SGTA: variants seen among roughly 807,000 people sequenced by gnomAD.
The protein encoded by SGTA is small glutamine-rich tetratricopeptide repeat-containing protein alpha.
A neutral mutation model predicts 44.3 loss-of-function variants in SGTA; 22 were observed. The ratio of observed to expected loss-of-function variants is 0.50; its 90% CI spans 0.36 to 0.71. SGTA has a LOEUF of 0.71. SGTA is among the 30% of genes least tolerant of loss of function. The pLI, the probability that SGTA is intolerant of heterozygous loss-of-function variation, is 0.00. For missense variants in SGTA, 341 were observed against 435.9 expected (o/e 0.78, Z 1.94); for synonymous variants, 174 against 177.6 (o/e 0.98, Z 0.16).
intron 1 of SGTA, among the ~76,000 whole-genome samples, chr19:2,782,010 T>C (rs984864033): frequency 6.6e-6 from 1 of 152,028 alleles, no homozygotes; most frequent in African/African-American, 2.4e-5. Flanking sequence ...CCCAGCTAAT[T>C]TTCATATTTT....
chr19:2,770,968 C>T (rs1481295810), intron 1 of SGTA, among the ~76,000 whole-genome samples: 7 of 152,224 alleles, frequency 4.6e-5, no homozygotes, highest in East Asian at 1.9e-4. Context: ...GTTCCCGGAT[C>T]GTGGCCTGCA....
At chr19:2,757,188 G>A in intron 11 of SGTA, 149 bp downstream of exon 11, 1 of 1,036,424 alleles carries the variant, frequency 9.6e-7, no homozygotes, top group Admixed American at 2.6e-5. Context: ...GTGATCTTCT[G>A]AGCTGGATGC....
intron 1 of SGTA, among the ~76,000 whole-genome samples, chr19:2,779,139 C>G (rs997355640): frequency 2.0e-5 from 3 of 152,168 alleles, no homozygotes; most frequent in Non-Finnish European, 4.4e-5. Flanking sequence ...TCACTGATGG[C>G]CACTAAGTGG....
intron 1 of SGTA, among the ~76,000 whole-genome samples, chr19:2,775,486 G>C (rs1915425715): frequency 6.6e-6 from 1 of 152,376 alleles, no homozygotes; most frequent in South Asian, 2.1e-4. Context: ...GACACACTGG[G>C]TGTGCCCACA....
chr19:2,767,757 C>CG lies in SGTA; in HGVS notation c.101-72dup. On this transcript the variant is annotated intron_variant, in intron 2 of 11. Transcript: ENST00000221566. This position sits in a 1 kb window ranked among gnomAD's most constrained non-coding sequence, Gnocchi z 7.3. ...AGGTTACGTTTTTGGGTCTAGAGGG[C>CG]GGGGTTGGTGCTCATGCTTCCCCAG... is the stretch of plus-strand genomic sequence containing the variant. 8.3e-7 allele frequency: 1 copy of CG among 1,203,028 alleles called. No individual in the cohort carries two copies. Among genetic ancestry groups the CG allele is most frequent in the Non-Finnish European group, 1.2e-6 (1 of 814,442 alleles). The allele number at this position is 1,203,028 out of a possible 1,614,324, so 74.5% of individuals were successfully genotyped here.
rs145111116 is a variant in SGTA, at chr19:2,764,461, G to A, written c.393-704C>T. Among the ~76,000 whole-genome samples, 228 of 152,302 alleles carry A rather than the reference G, an allele frequency of 1.5e-3. 1 individual carries two copies. The highest frequency in any genetic ancestry group is 0.014 in the East Asian group (75 of 5,188). ...TGCCCAGGCTGGAGTGCAGTGACAC[G>A]ATCTCAGCTCACTGCAACCTCTGCC... is the stretch of plus-strand genomic sequence containing the variant. On this transcript the variant is annotated intron_variant, in intron 5 of 11. Coordinates refer to ENST00000221566, the MANE Select transcript of SGTA (RefSeq NM_003021.4).
At position 2,765,360 on chromosome 19, in the gene SGTA, C is replaced by CA; in HGVS notation, c.293-76_293-75insT. The CA allele has an allele frequency of 2.7e-6, 3 of 1,125,782 alleles. No homozygotes were observed. The highest frequency in any genetic ancestry group is 3.9e-6 in the Non-Finnish European group (3 of 760,066). 69.7% of individuals were successfully genotyped at this position (1,125,782 alleles called of 1,614,324 possible). On this transcript the variant is annotated intron_variant, in intron 4 of 11. Transcript: ENST00000221566. This position sits in a 1 kb window ranked among gnomAD's most constrained non-coding sequence, Gnocchi z 5.5. ...GGGTGTCAGGGAGAGAGGAAAACAC[C>CA]GGCCTGGTGTCCACACAGACCCGAG... is the stretch of plus-strand genomic sequence containing the variant.
intron 1 of SGTA, 29 bp from the exon 2 acceptor site, chr19:2,769,120 G>A: frequency 6.9e-7 from 1 of 1,451,392 alleles, no homozygotes; most frequent in South Asian, 1.1e-5. Flanking sequence ...CCCCCATCAG[G>A]CCCCCTCACA....
intron 1 of SGTA, among the ~76,000 whole-genome samples, chr19:2,769,559 C>A (rs1021673489): frequency 2.6e-5 from 4 of 152,192 alleles, no homozygotes; most frequent in Admixed American, 2.0e-4. Context: ...GAGCCACTGC[C>A]CCTTTCCTCA....
Position 2,767,195 on chromosome 19 carries a change from G to T in SGTA, c.233C>A (p.Pro78His). ...CTCCTCGGAAGGCGGGGTTCGCGCG[G>T]GGCTCCTCAGGTCCTGCGGCATCTC... ...GKEMPQDLRS[P>H]ARTPPSEEDS... The change falls in exon 4 of 12, where the codon CCC becomes CAC. Residue 78 changes from proline to histidine, a missense_variant. Transcript: ENST00000221566. The surrounding 1 kb of genome is among the most constrained non-coding windows in gnomAD (Gnocchi z 7.3). The T allele has an allele frequency of 6.2e-7, 1 of 1,611,712 alleles. No homozygotes were observed. The highest frequency in any genetic ancestry group is 8.5e-7 in the Non-Finnish European group (1 of 1,179,308).
Position 2,765,296 on chromosome 19 carries a change from A to G in SGTA, c.293-11T>C. ...TCATCTGCTCGTTTCCTACAGGGAG[A>G]GAGGAAAACACCGGCCCGGTGTCCA... On this transcript the variant is annotated splice_polypyrimidine_tract_variant and intron_variant, in intron 4 of 11. Transcript: ENST00000221566. This position sits in a 1 kb window ranked among gnomAD's most constrained non-coding sequence, Gnocchi z 5.5. The G allele has an allele frequency of 6.2e-7, 1 of 1,600,992 alleles. No homozygotes were observed. The highest frequency in any genetic ancestry group is 1.7e-5 in the Admixed American group (1 of 59,824).
At chr19:2,756,332 T>C (rs370318642) in intron 11 of SGTA, among the ~76,000 whole-genome samples, 33 of 151,958 alleles carry the variant, frequency 2.2e-4, no homozygotes, top group African/African-American at 7.2e-4. Flanking sequence ...TTGGGCTGAA[T>C]GCACGGCTCA....
chr19:2,763,773 C>G lies in SGTA; in HGVS notation c.393-16G>C. On this transcript the variant is annotated splice_polypyrimidine_tract_variant and intron_variant, in intron 5 of 11. Coordinates refer to ENST00000221566, the MANE Select transcript of SGTA (RefSeq NM_003021.4). This position sits in a 1 kb window ranked among gnomAD's most constrained non-coding sequence, Gnocchi z 5.8. ...GGCTGCGGCTCTGGGGAAGAAAAGG[C>G]AGGGCAGGTCCCTCACTGGCGGCTC... 1 of 1,608,486 alleles carries G rather than the reference C, an allele frequency of 6.2e-7. No homozygotes were observed. The highest frequency in any genetic ancestry group is 8.5e-7 in the Non-Finnish European group (1 of 1,176,796).
intron 1 of SGTA, among the ~76,000 whole-genome samples, chr19:2,780,177 G>A (rs927162801): frequency 6.6e-6 from 1 of 152,058 alleles, no homozygotes; most frequent in Non-Finnish European, 1.5e-5. Flanking sequence ...GAACATCCTC[G>A]TAAACTGAGG....
chr19:2,762,120 C>G (rs916561624), intron 7 of SGTA, among the ~76,000 whole-genome samples: 2 of 152,288 alleles, frequency 1.3e-5, no homozygotes, highest in African/African-American at 4.8e-5. Context: ...GGCCACAGTC[C>G]ACCTGCCCCA....
At chr19:2,757,899 G>T in intron 9 of SGTA, 117 bp from the exon 10 acceptor site, 1 of 662,214 alleles carries the variant, frequency 1.5e-6, no homozygotes, top group Non-Finnish European at 2.4e-6. Flanking sequence ...CCCTGCAGGA[G>T]AGGATTCTCT....
chr19:2,756,453 C>T (rs77824263), intron 11 of SGTA, among the ~76,000 whole-genome samples: 1 of 73,656 alleles, frequency 1.4e-5, no homozygotes, highest in African/African-American at 4.8e-5. Flanking sequence ...AGGACGGTCT[C>T]AAAAAAAAAA....
chr19:2,762,434 C>T (rs1915021982), intron 7 of SGTA, 72 bp downstream of exon 7: 16 of 1,511,414 alleles, frequency 1.1e-5, no homozygotes, highest in East Asian at 2.3e-5. Context: ...GCCACTGGTG[C>T]GCCCGAGGAC....
Position 2,763,538 on chromosome 19 carries a change from C to G in SGTA, c.497+115G>C, listed in dbSNP as rs113610755. On this transcript the variant is annotated intron_variant, in intron 6 of 11. Coordinates refer to ENST00000221566, the MANE Select transcript of SGTA (RefSeq NM_003021.4). This position sits in a 1 kb window ranked among gnomAD's most constrained non-coding sequence, Gnocchi z 5.8. ...CAGCTAGTGTCAGAGTTGAACTGAA[C>G]CGGGGTGGGAGAATTCGTTGTGGGT... is the stretch of plus-strand genomic sequence containing the variant. The G allele has an allele frequency of 1.2e-3, 812 of 689,482 alleles. 5 individuals carry two copies. Among genetic ancestry groups the G allele is most frequent in the African/African-American group, 0.01 (587 of 56,374 alleles). The allele number at this position is 689,482 out of a possible 1,614,324, so 42.7% of individuals were successfully genotyped here. A position where few individuals can be genotyped will look rare whatever the true frequency, so the allele number is the denominator to read the frequency against.
Sources: allele counts gnomAD v4.1 joint callset (sites outside exome capture counted in the v4.1 genomes callset), GRCh38; gene constraint gnomAD v4.1.1; non-coding constraint Gnocchi (gnomAD v3.1); transcripts MANE v1.5; gene names NCBI Gene and HGNC (gene_info 2026-07-23, HGNC 2026-07-21).